Variants in ANKRD11 observed in about 807,000 individuals in gnomAD.
The protein encoded by ANKRD11 is ankyrin repeat domain 11.
ANKRD11 carries 17 observed loss-of-function variants against 195.7 expected under a neutral mutation model. The observed-to-expected ratio is 0.09, with a 90% CI of 0.06 to 0.13. ANKRD11 has a LOEUF of 0.13. ANKRD11 is among the 10% of genes least tolerant of loss of function. The probability of loss-of-function intolerance (pLI) is 1.00; values close to 1 mark genes in which losing one functional copy is unlikely to be tolerated. For synonymous variants in ANKRD11, 1,953 were observed against 1,528.1 expected, an observed-to-expected ratio of 1.28 and a Z score of -6.49; for missense variants, 3,735 against 3,566.1, an observed-to-expected ratio of 1.05 and a Z score of -1.21.
intron 2 of ANKRD11, among the ~76,000 whole-genome samples, chr16:89,347,083 C>T (rs1449816272): frequency 6.6e-6 from 1 of 151,916 alleles, no homozygotes; most frequent in Non-Finnish European, 1.5e-5. Context: ...GGTGACTGAG[C>T]ACATGGGCTG....
intron 2 of ANKRD11, among the ~76,000 whole-genome samples, chr16:89,413,805 C>T (rs2042190832): frequency 6.6e-6 from 1 of 152,146 alleles, no homozygotes; most frequent in Non-Finnish European, 1.5e-5. Flanking sequence ...AGACTCTGCA[C>T]TCCCACAACG....
chr16:89,387,710 A>G (rs1170110198), intron 2 of ANKRD11, among the ~76,000 whole-genome samples: 2 of 144,050 alleles, frequency 1.4e-5, no homozygotes, highest in East Asian at 4.3e-4. Context: ...AAAAAAAAAA[A>G]GACTGTGCTT....
chr16:89,339,094 G>A (rs540755421), intron 2 of ANKRD11, among the ~76,000 whole-genome samples: 5 of 152,254 alleles, frequency 3.3e-5, no homozygotes, highest in African/African-American at 1.2e-4. Context: ...GCTGATGGGT[G>A]AGCGTTGCAC....
At chr16:89,411,218 G>C (rs922353302) in intron 2 of ANKRD11, among the ~76,000 whole-genome samples, 4 of 152,266 alleles carry the variant, frequency 2.6e-5, no homozygotes, top group African/African-American at 9.6e-5. Flanking sequence ...CCCCTCTCGT[G>C]TGTGCTGGTG....
At chr16:89,275,721 G>A (rs916138718) in intron 9 of ANKRD11, among the ~76,000 whole-genome samples, 49 of 152,214 alleles carry the variant, frequency 3.2e-4, no homozygotes, top group Non-Finnish European at 1.5e-5. Context: ...TGGGGGCTGG[G>A]GGACTGTGGG....
At chr16:89,332,321 T>C (rs2038108884) in intron 2 of ANKRD11, among the ~76,000 whole-genome samples, 1 of 152,186 alleles carries the variant, frequency 6.6e-6, no homozygotes, top group South Asian at 2.1e-4. Context: ...TTCAGCTCCG[T>C]GAAGTCCTGG....
At chr16:89,301,661 T>C in intron 4 of ANKRD11, 1 of 398,652 alleles carries the variant, frequency 2.5e-6, no homozygotes, top group Admixed American at 4.4e-5. Context: ...GGTGATGCTG[T>C]CACATGCTCA....
intron 2 of ANKRD11, among the ~76,000 whole-genome samples, chr16:89,354,116 G>C (rs2039352090): frequency 6.6e-6 from 1 of 152,112 alleles, no homozygotes; most frequent in African/African-American, 2.4e-5. Context: ...CCGCCTGCAA[G>C]GTCACTCCAC....
chr16:89,481,629 C>T (rs1320732316), intron 1 of ANKRD11, among the ~76,000 whole-genome samples: 1 of 152,242 alleles, frequency 6.6e-6, no homozygotes, highest in African/African-American at 2.4e-5. Context: ...CGCCTGCAAA[C>T]TCTGACACAT....
At chr16:89,286,879 C>A (rs1424625830) in intron 7 of ANKRD11, 1 of 1,288,808 alleles carries the variant, frequency 7.8e-7, no homozygotes, top group Non-Finnish European at 1.0e-6. Flanking sequence ...CAACTTTAGT[C>A]CAGTCTGAGA....
At chr16:89,443,872 T>C (rs1400274713) in intron 1 of ANKRD11, among the ~76,000 whole-genome samples, 1 of 152,192 alleles carries the variant, frequency 6.6e-6, no homozygotes, top group Non-Finnish European at 1.5e-5. Context: ...GGCAGGGGCT[T>C]GTCTTGGAGG....
chr16:89,468,987 G>C (rs746729942), intron 1 of ANKRD11, among the ~76,000 whole-genome samples: 9 of 152,164 alleles, frequency 5.9e-5, no homozygotes, highest in Admixed American at 2.0e-4. Context: ...CTGATACTTA[G>C]CAAACTTGTA....
chr16:89,280,401 G>T lies in ANKRD11; in HGVS notation c.6141C>A (p.Ala2047=). The T allele has an allele frequency of 6.4e-7, 1 of 1,560,666 alleles. No homozygotes were observed. Among genetic ancestry groups the T allele is most frequent in the Non-Finnish European group, 8.7e-7 (1 of 1,153,914 alleles). Residue 2047 remains alanine (A), a synonymous_variant, in exon 9 of 13, where the codon GCC becomes GCA. Coordinates refer to ENST00000301030, the MANE Select transcript of ANKRD11 (RefSeq NM_013275.6). The stretch of plus-strand genomic sequence containing the variant: ...AGGGAGCCGCCTCTGAGGTGGAGAT[G>T]GCGGCGGGGACGGCGTCCACTCCGT... The part of the protein sequence containing the change: ...VKDGVDAVPA[A]ISTSEAAPYA...
At chr16:89,481,714 G>A (rs183366278) in intron 1 of ANKRD11, among the ~76,000 whole-genome samples, 2 of 152,216 alleles carry the variant, frequency 1.3e-5, no homozygotes, top group African/African-American at 4.8e-5. Context: ...CCCAACTCCA[G>A]TCATGCTTCC....
At chr16:89,306,999 G>C (rs1459379529) in intron 3 of ANKRD11, among the ~76,000 whole-genome samples, 2 of 149,520 alleles carry the variant, frequency 1.3e-5, no homozygotes, top group Non-Finnish European at 3.0e-5. Context: ...CACACACAGC[G>C]CTCGGGACGT....
chr16:89,409,169 G>A (rs1196012257), intron 2 of ANKRD11, among the ~76,000 whole-genome samples: 2 of 152,192 alleles, frequency 1.3e-5, no homozygotes, highest in Non-Finnish European at 2.9e-5. Flanking sequence ...AGGTGAAGCC[G>A]ACGGTCTGAG....
At chr16:89,309,913 C>A (rs1018101045) in intron 3 of ANKRD11, among the ~76,000 whole-genome samples, 2 of 152,226 alleles carry the variant, frequency 1.3e-5, no homozygotes, top group Non-Finnish European at 2.9e-5. Flanking sequence ...CCGGGCCCCA[C>A]CAGCCTGCCG....
intron 2 of ANKRD11, among the ~76,000 whole-genome samples, chr16:89,393,508 T>TTTC (rs2041292723): frequency 8.9e-6 from 1 of 112,958 alleles, no homozygotes; most frequent in African/African-American, 3.4e-5. Flanking sequence ...TTTTTTTTTT[T>TTTC]GTATTTTTAA....
At chr16:89,326,379 C>CA (rs981597921) in intron 2 of ANKRD11, among the ~76,000 whole-genome samples, 19 of 149,620 alleles carry the variant, frequency 1.3e-4, no homozygotes, top group Non-Finnish European at 2.8e-4. Context: ...GCAGCCACCG[C>CA]CCCCCCCACC....
Sources: gnomAD v4.1 joint callset for allele counts (sites outside exome capture counted in the v4.1 genomes callset) on GRCh38, gnomAD v4.1.1 for gene constraint, MANE v1.5 for transcripts, NCBI Gene and HGNC (gene_info 2026-07-23, HGNC 2026-07-21) for gene names.